The following LDLRAD1 variants were observed in gnomAD, a reference collection of about 807,000 sequenced individuals.
LDLRAD1 encodes low-density lipoprotein receptor class A domain-containing protein 1.
A neutral mutation model predicts 24.8 loss-of-function variants in LDLRAD1; 17 were observed. That is an observed-to-expected ratio of 0.69 (90% CI 0.47 to 1.03). The LOEUF is 1.03. Among genes scored for constraint, LDLRAD1 ranks in the 50% least tolerant of loss-of-function variants. The probability of loss-of-function intolerance (pLI) is 0.00; values close to 1 mark genes in which losing one functional copy is unlikely to be tolerated. For missense variants in LDLRAD1, 277 were observed against 271.0 expected, an observed-to-expected ratio of 1.02 and a Z score of -0.16; for synonymous variants, 103 against 108.2, an observed-to-expected ratio of 0.95 and a Z score of 0.30.
At chr1:54,014,468 C>T (rs185429980) in intron 2 of LDLRAD1, 104 bp from the exon 3 acceptor site, 22 of 1,141,344 alleles carry the variant, frequency 1.9e-5, no homozygotes, top group South Asian at 1.6e-4. Context: ...GCCTCTCCCC[C>T]ACGAGGGTGA....
At position 54,008,842 on chromosome 1, in the gene LDLRAD1, A is replaced by G; in HGVS notation, c.*140T>C. The G allele has an allele frequency of 1.3e-6, 1 of 758,596 alleles. No individual in the cohort carries two copies. Among genetic ancestry groups the G allele is most frequent in the Non-Finnish European group, 2.1e-6 (1 of 467,282 alleles). 47.0% of individuals were successfully genotyped at this position (758,596 alleles called of 1,614,324 possible). ...AGGCTGAACAACTTGAAAGGAGGAGAGAAAATTCCTATTCAGAAATGATGT... is the reference window on the plus strand; with the variant it reads ...AGGCTGAACAACTTGAAAGGAGGAGGGAAAATTCCTATTCAGAAATGATGT... On this transcript the variant is annotated 3_prime_UTR_variant, in exon 6 of 6. Coordinates refer to ENST00000371360, the MANE Select transcript of LDLRAD1 (RefSeq NM_001010978.4).
chr1:54,010,086 A>G (rs1291214173), intron 5 of LDLRAD1, among the ~76,000 whole-genome samples, 196 bp downstream of exon 5: 2 of 152,176 alleles, frequency 1.3e-5, no homozygotes, highest in Non-Finnish European at 2.9e-5. Context: ...CTGCAGAAGA[A>G]TGAGCCTCCA....
chr1:54,017,079 C>T (rs367637423), intron 2 of LDLRAD1, among the ~76,000 whole-genome samples: 42 of 152,312 alleles, frequency 2.8e-4, no homozygotes, highest in South Asian at 1.0e-3. Context: ...AAGAATTTGA[C>T]GCTGGTGCTC....
At position 54,009,008 on chromosome 1, in the gene LDLRAD1, C is replaced by T. The variant is rs372230326; in HGVS notation, c.592G>A (p.Asp198Asn). Residue 198 changes from aspartate to asparagine, a missense_variant, in exon 6 of 6, where the codon GAT becomes AAT. Asp to Asn is a conservative substitution (Grantham distance 23). Transcript: ENST00000371360. ...CAGGGTCCGGGACAGGCATACTCAT[C>T]GGACCAGTCGGAGCAGTGCTGTACA... is the stretch of plus-strand genomic sequence containing the variant. ...DHVQHCSDWS[D>N]EYACPGP 37 of 1,613,778 alleles carry T rather than the reference C, an allele frequency of 2.3e-5. No individual in the cohort carries two copies. The highest frequency in any genetic ancestry group is 1.6e-4 in the Middle Eastern group (1 of 6,082).
At position 54,008,874 on chromosome 1, in the gene LDLRAD1, C is replaced by CTCGGTGGAAGCCGTACCA; in HGVS notation, c.*107_*108insTGGTACGGCTTCCACCGA. 1.0e-6 allele frequency: 1 copy of CTCGGTGGAAGCCGTACCA among 992,512 alleles called. No individual in the cohort carries two copies. The highest frequency in any genetic ancestry group is 1.7e-5 in the South Asian group (1 of 59,720). 61.5% of individuals were successfully genotyped at this position (992,512 alleles called of 1,614,324 possible). On this transcript the variant is annotated 3_prime_UTR_variant, in exon 6 of 6. Transcript: ENST00000371360. ...TCCTATTCAGAAATGATGTGTAGAT[C>CTCGGTGGAAGCCGTACCA]CCATTTCAAAGGCTGCTTCCTGCCC...
Position 54,010,418 on chromosome 1 carries a change from G to A in LDLRAD1, c.341-8C>T. The A allele has an allele frequency of 6.2e-7, 1 of 1,613,768 alleles. No homozygotes were observed. Among genetic ancestry groups the A allele is most frequent in the Non-Finnish European group, 8.5e-7 (1 of 1,179,954 alleles). On this transcript the variant is annotated splice_region_variant and splice_polypyrimidine_tract_variant and intron_variant, in intron 4 of 5. Coordinates refer to ENST00000371360, the MANE Select transcript of LDLRAD1 (RefSeq NM_001010978.4). ...GGCTCTGGGGCACATCTCCTGTAGA[G>A]GTACAGAGGAGGCAGGAAGAAGTCC... is the stretch of plus-strand genomic sequence containing the variant.
At chr1:54,014,173 C>A in intron 3 of LDLRAD1, 63 bp downstream of exon 3, 1 of 1,537,366 alleles carries the variant, frequency 6.5e-7, no homozygotes, top group East Asian at 2.4e-5. Flanking sequence ...GCTCCCTCAT[C>A]TCTCTGTGCC....
intron 4 of LDLRAD1, among the ~76,000 whole-genome samples, chr1:54,011,647 G>A (rs953110549): frequency 2.6e-5 from 4 of 152,106 alleles, no homozygotes; most frequent in African/African-American, 4.8e-5. Flanking sequence ...TCATTCATTC[G>A]CTCATTCATT....
At position 54,008,803 on chromosome 1, in the gene LDLRAD1, A is replaced by C; in HGVS notation, c.*179T>G. ...ATGGTAATGAGCTCCTGGTCATTGG[A>C]AGCATTCAAGCAGAGGCTGAACAAC... is the stretch of plus-strand genomic sequence containing the variant. On this transcript the variant is annotated 3_prime_UTR_variant, in exon 6 of 6. Coordinates refer to ENST00000371360, the MANE Select transcript of LDLRAD1 (RefSeq NM_001010978.4). 1.7e-6 allele frequency: 1 copy of C among 590,536 alleles called. No homozygotes were observed. The highest frequency in any genetic ancestry group is 3.0e-6 in the Non-Finnish European group (1 of 337,480). The allele number at this position is 590,536 out of a possible 1,614,324, so 36.6% of individuals were successfully genotyped here.
chr1:54,009,103 C>T lies in LDLRAD1; in HGVS notation c.497G>A (p.Gly166Glu). 1 of 1,613,962 alleles carries T rather than the reference C, an allele frequency of 6.2e-7. No individual in the cohort carries two copies. Among genetic ancestry groups the T allele is most frequent in the Non-Finnish European group, 8.5e-7 (1 of 1,179,992 alleles). The change falls in exon 6 of 6, where the codon GGG becomes GAG. Residue 166 changes from glycine to glutamate, a missense_variant. By Grantham distance (98) the Gly-to-Glu change is moderately conservative (BLOSUM62 -2). Coordinates refer to ENST00000371360, the MANE Select transcript of LDLRAD1 (RefSeq NM_001010978.4). ...PVTVCPPCGP[G>E]WWRCPSTFFK... is the part of the protein sequence containing the mutation. ...GAAGGTTGAAGGACAGCGCCACCAC[C>T]CAGGGCCGCAGGGTGGGCACACAGT...
chr1:54,008,879 T>TGG lies in LDLRAD1; in HGVS notation c.*102_*103insCC. The TGG allele has an allele frequency of 3.8e-6, 4 of 1,064,434 alleles. No homozygotes were observed. The highest frequency in any genetic ancestry group is 3.9e-5 in the South Asian group (2 of 50,868). 65.9% of individuals were successfully genotyped at this position (1,064,434 alleles called of 1,614,324 possible). ...TTCAGAAATGATGTGTAGATCCCAT[T>TGG]TCAAAGGCTGCTTCCTGCCCTTGTG... On this transcript the variant is annotated 3_prime_UTR_variant, in exon 6 of 6. Coordinates refer to ENST00000371360, the MANE Select transcript of LDLRAD1 (RefSeq NM_001010978.4).
intron 4 of LDLRAD1, 123 bp from the exon 5 acceptor site, chr1:54,010,533 A>G: frequency 1.1e-6 from 1 of 925,836 alleles, no homozygotes; most frequent in Non-Finnish European, 1.6e-6. Flanking sequence ...CATCCAGCCC[A>G]GAAGGGTGCA....
In LDLRAD1 at chr1:54,009,110, C is replaced by T. The variant is rs765546929; in HGVS notation, c.490G>A (p.Gly164Ser). ...LSPVTVCPPC[G>S]PGWWRCPSTF... ...GAAGGACAGCGCCACCACCCAGGGC[C>T]GCAGGGTGGGCACACAGTTACTGCA... Residue 164 changes from glycine (G) to serine (S), a missense_variant, in exon 6 of 6, where the codon GGC becomes AGC. Physicochemically the swap from Gly to Ser is moderately conservative, Grantham distance 56 (BLOSUM62 0). Transcript: ENST00000371360. 2.7e-5 allele frequency: 43 copies of T among 1,613,796 alleles called. No individual in the cohort carries two copies. In the African/African-American group the frequency reaches 3.9e-4, roughly 15 times the overall value.
At chr1:54,015,608 G>C (rs1211963489) in intron 2 of LDLRAD1, among the ~76,000 whole-genome samples, 1 of 151,970 alleles carries the variant, frequency 6.6e-6, no homozygotes, top group African/African-American at 2.4e-5. Flanking sequence ...GTGACCCCAG[G>C]GCCCAGCCCA....
chr1:54,010,118 A>G (rs899391672), intron 5 of LDLRAD1, among the ~76,000 whole-genome samples, 164 bp downstream of exon 5: 1 of 152,174 alleles, frequency 6.6e-6, no homozygotes, highest in Admixed American at 6.5e-5. Context: ...TTGGAGTGGT[A>G]GTGAGTACCC....
chr1:54,012,309 GT>G, intron 3 of LDLRAD1, 29 bp from the exon 4 acceptor site: 7 of 1,612,796 alleles, frequency 4.3e-6, no homozygotes, highest in Non-Finnish European at 5.9e-6. Context: ...GCCCTGGAGG[GT>G]CAAGGGTGGT....
intron 4 of LDLRAD1, among the ~76,000 whole-genome samples, 177 bp downstream of exon 4, chr1:54,011,966 G>A (rs374661491): frequency 2.0e-4 from 31 of 152,332 alleles, no homozygotes; most frequent in African/African-American, 7.0e-4. Flanking sequence ...ATTCCTTAGT[G>A]GGGGCATGTA....
Position 54,008,971 on chromosome 1 carries a change from G to A in LDLRAD1, c.*11C>T. ...TCCAGCCAGCCTTCCATGCTGGCCTGAGTGGCCCACTCAGGGTCCGGGACA... is the reference window on the plus strand; with the variant it reads ...TCCAGCCAGCCTTCCATGCTGGCCTAAGTGGCCCACTCAGGGTCCGGGACA... On this transcript the variant is annotated 3_prime_UTR_variant, in exon 6 of 6. Coordinates refer to ENST00000371360, the MANE Select transcript of LDLRAD1 (RefSeq NM_001010978.4). 6.2e-7 allele frequency: 1 copy of A among 1,608,698 alleles called. No homozygotes were observed. Among genetic ancestry groups the A allele is most frequent in the East Asian group, 2.2e-5 (1 of 44,676 alleles).
chr1:54,012,138 C>A lies in LDLRAD1; in HGVS notation c.340+5G>T. ...TGGGAGGGGCAGCACCGAGCGGGTA[C>A]TCACGGCACAAGCTCTCATCCTCGT... is the stretch of plus-strand genomic sequence containing the variant. On this transcript the variant is annotated splice_donor_5th_base_variant and intron_variant, in intron 4 of 5. Transcript: ENST00000371360. The A allele has an allele frequency of 6.2e-7, 1 of 1,613,652 alleles. No homozygotes were observed. Among genetic ancestry groups the A allele is most frequent in the Non-Finnish European group, 8.5e-7 (1 of 1,179,922 alleles).
Sources: allele counts gnomAD v4.1 joint callset (sites outside exome capture counted in the v4.1 genomes callset), GRCh38; gene constraint gnomAD v4.1.1; transcripts MANE v1.5; gene names NCBI Gene and HGNC (gene_info 2026-07-23, HGNC 2026-07-21).